The following HIBADH variants were observed in gnomAD, a reference collection of about 807,000 sequenced individuals.
HIBADH encodes the protein 3-hydroxyisobutyrate dehydrogenase, mitochondrial.
Under a neutral mutation model 36.1 loss-of-function variants are expected in HIBADH, and 25 were observed. The observed-to-expected ratio is 0.69, with a 90% CI of 0.50 to 0.97. The LOEUF is 0.97. Ranked by LOEUF, HIBADH falls within the 50% of genes least tolerant of loss-of-function variation. HIBADH has a pLI of 0.00. For missense variants in HIBADH, 421 were observed against 418.0 expected, an observed-to-expected ratio of 1.01 and a Z score of -0.06; for synonymous variants, 160 against 149.5, an observed-to-expected ratio of 1.07 and a Z score of -0.51.
chr7:27,654,053 A>G (rs2128297598), intron 1 of HIBADH, among the ~76,000 whole-genome samples: 1 of 152,346 alleles, frequency 6.6e-6, no homozygotes, highest in African/African-American at 2.4e-5. Flanking sequence ...ATTTTTATCA[A>G]TACAAATTAA....
intron 2 of HIBADH, 65 bp from the exon 3 acceptor site, chr7:27,632,510 C>G: frequency 9.5e-7 from 1 of 1,056,124 alleles, no homozygotes; most frequent in Non-Finnish European, 1.5e-6. Context: ...AGAGCACAAA[C>G]AGGATCCACT....
At chr7:27,618,167 CCCTGCTCTGTACACTTGCT>C (rs1337207065) in intron 4 of HIBADH, among the ~76,000 whole-genome samples, 1 of 152,184 alleles carries the variant, frequency 6.6e-6, no homozygotes, top group African/African-American at 2.4e-5. Flanking sequence ...GTACCCTTCC[CCCTGCTCTGTACACTTGCT>C]CCTGCTATCA....
chr7:27,650,896 A>G (rs1348425228), intron 1 of HIBADH, among the ~76,000 whole-genome samples: 1 of 151,928 alleles, frequency 6.6e-6, no homozygotes, highest in Middle Eastern at 3.2e-3. Context: ...TAGATTTAGA[A>G]CTCCACTCAA....
intron 4 of HIBADH, among the ~76,000 whole-genome samples, chr7:27,574,296 G>A (rs1784672424): frequency 1.5e-5 from 1 of 68,310 alleles, no homozygotes; most frequent in African/African-American, 7.6e-5. Context: ...GAGATAGCAG[G>A]TGATTTTTTT....
intron 4 of HIBADH, among the ~76,000 whole-genome samples, chr7:27,613,041 TATAA>T (rs896939920): frequency 7.7e-6 from 1 of 129,564 alleles, no homozygotes; most frequent in Non-Finnish European, 1.6e-5. Flanking sequence ...TTACATAATA[TATAA>T]ATATATATAA....
chr7:27,653,056 G>A (rs534203000), intron 1 of HIBADH, among the ~76,000 whole-genome samples: 7 of 152,258 alleles, frequency 4.6e-5, no homozygotes, highest in African/African-American at 1.2e-4. Context: ...TTGAACATAG[G>A]GGGTGGAGGA....
At chr7:27,602,393 G>A (rs773738081) in intron 4 of HIBADH, among the ~76,000 whole-genome samples, 6 of 152,074 alleles carry the variant, frequency 3.9e-5, no homozygotes, top group African/African-American at 1.4e-4. Context: ...TTTCCACTCC[G>A]TTAAGACTAT....
chr7:27,659,717 C>G (rs1441691743), intron 1 of HIBADH, among the ~76,000 whole-genome samples: 1 of 150,904 alleles, frequency 6.6e-6, no homozygotes. Flanking sequence ...GAGAGAGAGA[C>G]CCCATCTCAA....
Position 27,629,428 on chromosome 7 carries a change from A to G in HIBADH, c.427T>C (p.Leu143=). 1 of 1,612,134 alleles carries G rather than the reference A, an allele frequency of 6.2e-7. No individual in the cohort carries two copies. Among genetic ancestry groups the G allele is most frequent in the Non-Finnish European group, 8.5e-7 (1 of 1,178,840 alleles). ...CCCATTTTCTCAACTTCTTTGGCCAATTCTTTTGAAACTGCAGGATCAATA... is the reference window on the plus strand; with the variant it reads ...CCCATTTTCTCAACTTCTTTGGCCAGTTCTTTTGAAACTGCAGGATCAATA... ...STIDPAVSKE[L]AKEVEKMGAV... is the part of the protein sequence containing the mutation. Residue 143 remains leucine (L), a synonymous_variant, in exon 4 of 8, where the codon TTG becomes CTG. Coordinates refer to ENST00000265395, the MANE Select transcript of HIBADH (RefSeq NM_152740.4).
Position 27,650,264 on chromosome 7 carries a change from T to A in HIBADH, c.92-631A>T, listed in dbSNP as rs1583620372. 3.3e-5 allele frequency among the ~76,000 whole-genome samples: 4 copies of A among 122,254 alleles called. No homozygotes were observed. In the South Asian group the frequency reaches 1.0e-3, roughly 32 times the overall value. The allele number at this position is 122,254 out of a possible 152,430, so 80.2% of individuals were successfully genotyped here. A position where few individuals can be genotyped will look rare whatever the true frequency, so the allele number is the denominator to read the frequency against. ...CCCACTCCCACAGTTACAGAAACCA[T>A]CCCCTCCAATGATACAAAAAAAAAA... On this transcript the variant is annotated intron_variant, in intron 1 of 7. Transcript: ENST00000265395.
intron 2 of HIBADH, among the ~76,000 whole-genome samples, chr7:27,634,929 T>C (rs1785810661): frequency 6.6e-6 from 1 of 152,220 alleles, no homozygotes; most frequent in Non-Finnish European, 1.5e-5. Flanking sequence ...GCCAGAATAC[T>C]GCTAACCCCT....
At chr7:27,643,843 A>G (rs1317655672) in intron 2 of HIBADH, among the ~76,000 whole-genome samples, 5 of 151,820 alleles carry the variant, frequency 3.3e-5, no homozygotes, top group Non-Finnish European at 7.4e-5. Flanking sequence ...CAGCAGCATA[A>G]CTCTAATGTC....
intron 3 of HIBADH, among the ~76,000 whole-genome samples, chr7:27,630,088 TCA>T (rs1392443963): frequency 2.0e-5 from 3 of 152,184 alleles, no homozygotes; most frequent in Non-Finnish European, 4.4e-5. Flanking sequence ...TCTGGAAATC[TCA>T]CAGTCTTTTT....
intron 4 of HIBADH, among the ~76,000 whole-genome samples, chr7:27,557,525 A>G (rs772504834): frequency 3.9e-5 from 6 of 152,184 alleles, no homozygotes; most frequent in Non-Finnish European, 8.8e-5. Context: ...ATTTTTTCAC[A>G]GTTTTGGAGG....
intron 2 of HIBADH, among the ~76,000 whole-genome samples, chr7:27,638,308 C>CCAAAA (rs1554300502): frequency 1.8e-5 from 1 of 55,472 alleles, no homozygotes; most frequent in Non-Finnish European, 3.2e-5. Context: ...TTGGCAAAGT[C>CCAAAA]AAAAAAAAAA....
chr7:27,591,714 G>C (rs1276463259), intron 4 of HIBADH, among the ~76,000 whole-genome samples: 2 of 152,196 alleles, frequency 1.3e-5, no homozygotes, highest in Non-Finnish European at 2.9e-5. Context: ...TTTTCTAAAA[G>C]TACAACTAAA....
At position 27,662,819 on chromosome 7, in the gene HIBADH, T is replaced by G. The variant is rs1467101690; in HGVS notation, c.-31A>C. On this transcript the variant is annotated 5_prime_UTR_variant, in exon 1 of 8. Transcript: ENST00000265395. Reference sequence around the variant, plus strand: ...GCCCGCCCCTCTCCCCGCGGTGACCTCCGCCGCCTCCCGGAGGGCCCACAG... The same window carrying G: ...GCCCGCCCCTCTCCCCGCGGTGACCGCCGCCGCCTCCCGGAGGGCCCACAG... 4.2e-6 allele frequency: 6 copies of G among 1,444,748 alleles called. No homozygotes were observed. Among genetic ancestry groups the G allele is most frequent in the Non-Finnish European group, 5.5e-6 (6 of 1,090,058 alleles). The allele number at this position is 1,444,748 out of a possible 1,614,324, so 89.5% of individuals were successfully genotyped here.
intron 4 of HIBADH, among the ~76,000 whole-genome samples, chr7:27,572,855 A>G (rs1444061095): frequency 6.7e-6 from 1 of 149,376 alleles, no homozygotes; most frequent in African/African-American, 2.4e-5. Context: ...TTACTGCATT[A>G]TAAAATTAAC....
intron 4 of HIBADH, among the ~76,000 whole-genome samples, chr7:27,610,112 C>A (rs1048745517): frequency 6.6e-6 from 1 of 152,104 alleles, no homozygotes; most frequent in Admixed American, 6.5e-5. Context: ...AGCCATCACG[C>A]CTGGCCAAAA....
Sources: gnomAD v4.1 joint callset for allele counts (sites outside exome capture counted in the v4.1 genomes callset) on GRCh38, gnomAD v4.1.1 for gene constraint, MANE v1.5 for transcripts, NCBI Gene and HGNC (gene_info 2026-07-23, HGNC 2026-07-21) for gene names.